ZNF460: variants seen among roughly 807,000 people sequenced by gnomAD.
ZNF460 encodes zinc finger protein 460.
In ZNF460, 1 loss-of-function variant was observed where a neutral mutation model predicts 8.4. That is an observed-to-expected ratio of 0.12 (90% CI 0.04 to 0.56). The LOEUF (loss-of-function observed/expected upper bound fraction) is 0.56, where lower values mean the gene tolerates loss of function less well. Ranked by LOEUF, ZNF460 falls within the 20% of genes least tolerant of loss-of-function variation. The pLI, the probability that ZNF460 is intolerant of heterozygous loss-of-function variation, is 0.91. For synonymous variants in ZNF460, 262 were observed against 259.9 expected (o/e 1.01, Z -0.08); for missense variants, 477 against 714.8 (o/e 0.67, Z 3.79).
At chr19:57,283,139 TTG>T in intron 1 of ZNF460, among the ~76,000 whole-genome samples, 2 of 120,468 alleles carry the variant, frequency 1.7e-5, no homozygotes, top group African/African-American at 6.9e-5. Context: ...GCCTCAGTGT[TTG>T]TTTGTTTTTT....
chr19:57,282,906 A>T (rs563135067), intron 1 of ZNF460, among the ~76,000 whole-genome samples: 1 of 152,066 alleles, frequency 6.6e-6, no homozygotes, highest in Non-Finnish European at 1.5e-5. Flanking sequence ...TGGGAGGATC[A>T]CTAGATCACA....
intron 2 of ZNF460, among the ~76,000 whole-genome samples, chr19:57,285,538 C>T (rs1186728787): frequency 1.3e-5 from 2 of 152,212 alleles, no homozygotes; most frequent in Non-Finnish European, 2.9e-5. Flanking sequence ...AGGGCCATTG[C>T]AATGAACACC....
At chr19:57,281,085 C>T (rs61417707) in intron 1 of ZNF460, among the ~76,000 whole-genome samples, 7,319 of 152,214 alleles carry the variant, frequency 0.048, 384 homozygotes, top group East Asian at 0.28. Flanking sequence ...CTAAATCCAA[C>T]CTTCTCTGTT....
At chr19:57,287,461 G>C (rs2087887690) in intron 2 of ZNF460, among the ~76,000 whole-genome samples, 1 of 152,180 alleles carries the variant, frequency 6.6e-6, no homozygotes, top group South Asian at 2.1e-4. Context: ...AGGTCATGGA[G>C]TAGGTTGTAT....
Position 57,292,074 on chromosome 19 carries a change from C to T in ZNF460, c.1533C>T (p.Asn511=), listed in dbSNP as rs748204380. ...EKSHEPIQSG[N]VSCESTDLIQ... ...CCCACGAACCCATCCAGAGTGGGAA[C>T]GTTTCTTGTGAGAGCACAGATCTCA... The change falls in exon 3 of 3, where the codon AAC becomes AAT. Residue 511 remains asparagine (N), a synonymous_variant. Transcript: ENST00000360338. The T allele has an allele frequency of 5.6e-6, 9 of 1,614,024 alleles. No homozygotes were observed. The highest frequency in any genetic ancestry group is 4.0e-5 in the African/African-American group (3 of 74,910).
At chr19:57,284,216 ATTTT>A (rs370822197) in intron 1 of ZNF460, among the ~76,000 whole-genome samples, 5,049 of 110,400 alleles carry the variant, frequency 0.046, 280 homozygotes, top group East Asian at 0.28. Context: ...TTATTTATTT[ATTTT>A]TTATTTATTT....
rs2087830225 is a variant in ZNF460 at position 57,280,606 on chromosome 19, C to T, written c.-201C>T. ...GGGAGCCTGACGCCCCGCTTCTCCCCTAACGAGGTGTCCCACCGGCGCCCG... is the reference window on the plus strand; with the variant it reads ...GGGAGCCTGACGCCCCGCTTCTCCCTTAACGAGGTGTCCCACCGGCGCCCG... On this transcript the variant is annotated 5_prime_UTR_variant, in exon 1 of 3. Transcript: ENST00000360338. 1.5e-6 allele frequency: 1 copy of T among 655,494 alleles called. No homozygotes were observed. Among genetic ancestry groups the T allele is most frequent in the Non-Finnish European group, 2.6e-6 (1 of 387,812 alleles). 40.6% of individuals were successfully genotyped at this position (655,494 alleles called of 1,614,324 possible). A position where few individuals can be genotyped will look rare whatever the true frequency, so the allele number is the denominator to read the frequency against.
chr19:57,283,850 T>C (rs1215532319), intron 1 of ZNF460, among the ~76,000 whole-genome samples: 1 of 152,036 alleles, frequency 6.6e-6, no homozygotes, highest in African/African-American at 2.4e-5. Flanking sequence ...GACCTGGAAA[T>C]GGAGGCTCGG....
rs79856560 is a variant in ZNF460 at position 57,292,216 on chromosome 19, A to C, written c.1675A>C (p.Thr559Pro). Residue 559 changes from threonine to proline, a missense_variant, in exon 3 of 3, where the codon ACC (threonine) becomes CCC (proline). Thr to Pro is a conservative substitution (Grantham distance 38). Coordinates refer to ENST00000360338, the MANE Select transcript of ZNF460 (RefSeq NM_006635.4). ...CATCAACGGATTCATAGTGGAAGAA[A>C]CCCTACCATTGTAACAGATGTGGAA... ...LDINGFIVEE[T>P]LPL 6.2e-7 allele frequency: 1 copy of C among 1,610,720 alleles called. No homozygotes were observed. Among genetic ancestry groups the C allele is most frequent in the Admixed American group, 1.7e-5 (1 of 59,902 alleles).
chr19:57,288,339 C>A (rs1334992206), intron 2 of ZNF460, among the ~76,000 whole-genome samples: 1 of 152,134 alleles, frequency 6.6e-6, no homozygotes, highest in Non-Finnish European at 1.5e-5. Context: ...ACTACAGGCT[C>A]ATGCTACAAC....
intron 2 of ZNF460, among the ~76,000 whole-genome samples, chr19:57,289,261 C>G (rs1213051079): frequency 6.6e-6 from 1 of 152,080 alleles, no homozygotes; most frequent in Non-Finnish European, 1.5e-5. Flanking sequence ...GAGCTCTGTC[C>G]TAAGAGTAGC....
chr19:57,282,473 C>T (rs1370586235), intron 1 of ZNF460, among the ~76,000 whole-genome samples: 1 of 152,250 alleles, frequency 6.6e-6, no homozygotes, highest in South Asian at 2.1e-4. Flanking sequence ...CAGGTCCAGG[C>T]CCTAACACCT....
Position 57,280,499 on chromosome 19 carries a change from C to T in ZNF460, c.-308C>T, listed in dbSNP as rs780628479. 2.3e-5 allele frequency: 11 copies of T among 469,174 alleles called. No individual in the cohort carries two copies. The highest frequency in any genetic ancestry group is 3.9e-5 in the Non-Finnish European group (10 of 257,714). 29.1% of individuals were successfully genotyped at this position (469,174 alleles called of 1,614,324 possible). On this transcript the variant is annotated 5_prime_UTR_variant, in exon 1 of 3. Coordinates refer to ENST00000360338, the MANE Select transcript of ZNF460 (RefSeq NM_006635.4). ...GGTTTGGCCCTGAAACAGTGTGGGG[C>T]CTAGAGCGCTGGGTGGGCGCGTTCT...
intron 2 of ZNF460, among the ~76,000 whole-genome samples, chr19:57,286,568 A>G (rs1350085176): frequency 2.6e-5 from 4 of 152,330 alleles, no homozygotes; most frequent in African/African-American, 9.6e-5. Flanking sequence ...GGATTGCTTC[A>G]GGCCAGGAGT....
chr19:57,282,987 T>TAA lies in ZNF460; in HGVS notation c.31-1551_31-1550dup, dbSNP rs550453875. Among the ~76,000 whole-genome samples, 188 of 134,198 alleles carry TAA rather than the reference T, an allele frequency of 1.4e-3. 1 individual carries two copies. Among genetic ancestry groups the TAA allele is most frequent in the African/African-American group, 4.8e-3 (176 of 36,562 alleles). The allele number at this position is 134,198 out of a possible 152,430, so 88.0% of individuals were successfully genotyped here. The stretch of plus-strand genomic sequence containing the variant: ...GCCTGGGTGACAGAGTGAGACCATC[T>TAA]AAAAAAAAAAAAAAGAGAGAGACAT... On this transcript the variant is annotated intron_variant, in intron 1 of 2. Transcript: ENST00000360338.
chr19:57,284,910 C>T (rs1288048553), intron 2 of ZNF460, among the ~76,000 whole-genome samples: 1 of 151,600 alleles, frequency 6.6e-6, no homozygotes, highest in Non-Finnish European at 1.5e-5. Context: ...TCCGTCTCCC[C>T]GATTCAAGTG....
chr19:57,284,752 A>G (rs1432942754), intron 2 of ZNF460, 75 bp downstream of exon 2: 1 of 1,452,030 alleles, frequency 6.9e-7, no homozygotes, highest in Non-Finnish European at 9.1e-7. Flanking sequence ...TCCTGGCTCC[A>G]GGCCTGGCTA....
Position 57,284,583 on chromosome 19 carries a change from A to T in ZNF460, c.63A>T (p.Thr21=). 1 of 1,613,242 alleles carries T rather than the reference A, an allele frequency of 6.2e-7. No homozygotes were observed. Among genetic ancestry groups the T allele is most frequent in the Non-Finnish European group, 8.5e-7 (1 of 1,179,646 alleles). ...TGACCTTCGAGGATGTGGCTGTGAC[A>T]TTTACCCAGGAGGAGTGGGGGCAGT... The part of the protein sequence containing the change: ...ESVTFEDVAV[T]FTQEEWGQLD... The change falls in exon 2 of 3, where the codon ACA becomes ACT. Residue 21 remains threonine (T), a synonymous_variant. Coordinates refer to ENST00000360338, the MANE Select transcript of ZNF460 (RefSeq NM_006635.4).
chr19:57,284,688 T>C lies in ZNF460; in HGVS notation c.157+11T>C. The C allele has an allele frequency of 4.5e-6, 7 of 1,572,916 alleles. No individual in the cohort carries two copies. The highest frequency in any genetic ancestry group is 6.0e-6 in the Non-Finnish European group (7 of 1,161,814). Reference sequence around the variant, plus strand: ...TTCTGGTCGCACTGGGTAAGGCCTGTCCTCTCCTCTCCAAAATCAGGGGCA... The same window carrying C: ...TTCTGGTCGCACTGGGTAAGGCCTGCCCTCTCCTCTCCAAAATCAGGGGCA... On this transcript the variant is annotated intron_variant, in intron 2 of 2. Transcript: ENST00000360338.
Sources: allele counts gnomAD v4.1 joint callset (sites outside exome capture counted in the v4.1 genomes callset), GRCh38; gene constraint gnomAD v4.1.1; transcripts MANE v1.5; gene names NCBI Gene and HGNC (gene_info 2026-07-23, HGNC 2026-07-21).